The following CNTN4 variants were observed in gnomAD, a reference collection of about 807,000 sequenced individuals.
CNTN4 encodes the protein contactin-4.
CNTN4 carries 77 observed loss-of-function variants against 122.5 expected under a neutral mutation model. The ratio of observed to expected loss-of-function variants is 0.63; its 90% CI spans 0.52 to 0.76. CNTN4 has a LOEUF of 0.76. Among genes scored for constraint, CNTN4 ranks in the 30% least tolerant of loss-of-function variants. The pLI is 0.00. For missense variants in CNTN4, 1,256 were observed against 1,259.1 expected, an observed-to-expected ratio of 1.00 and a Z score of 0.04; for synonymous variants, 512 against 447.0, an observed-to-expected ratio of 1.15 and a Z score of -1.83.
In CNTN4 at chr3:2,888,574, A is replaced by G. The variant is rs1325406583; in HGVS notation, c.940+1350A>G. ...CATTTTTCATACCCGGAACCCATGA[A>G]GGGTTGCACATGCAGATGGTTCTCC... On this transcript the variant is annotated intron_variant, in intron 10 of 24. Transcript: ENST00000418658. 2.0e-5 allele frequency among the ~76,000 whole-genome samples: 3 copies of G among 152,140 alleles called. No individual in the cohort carries two copies. In the East Asian group the frequency reaches 5.8e-4, roughly 29 times the overall value.
intron 7 of CNTN4, among the ~76,000 whole-genome samples, chr3:2,838,012 G>C (rs114372633): frequency 1.3e-5 from 2 of 152,082 alleles, no homozygotes; most frequent in Non-Finnish European, 2.9e-5. Context: ...ATTAAGAATC[G>C]AGTCTGAATT....
chr3:2,778,746 G>C (rs2091448923), intron 6 of CNTN4, among the ~76,000 whole-genome samples: 1 of 152,088 alleles, frequency 6.6e-6, no homozygotes, highest in Non-Finnish European at 1.5e-5. Context: ...GGGGGAGAGA[G>C]GGGAAGAAAA....
intron 2 of CNTN4, among the ~76,000 whole-genome samples, chr3:2,219,439 C>T (rs1383319081): frequency 2.6e-5 from 4 of 152,112 alleles, no homozygotes; most frequent in African/African-American, 4.8e-5. Flanking sequence ...TTCAGTGTTA[C>T]AGAAAGGCAG....
intron 3 of CNTN4, among the ~76,000 whole-genome samples, chr3:2,504,841 G>A (rs1316139021): frequency 6.6e-6 from 1 of 151,996 alleles, no homozygotes; most frequent in Non-Finnish European, 1.5e-5. Context: ...AAAATAATGG[G>A]GATAGGCTCT....
intron 10 of CNTN4, among the ~76,000 whole-genome samples, chr3:2,888,526 C>T (rs945661349): frequency 3.3e-5 from 5 of 152,080 alleles, no homozygotes; most frequent in Admixed American, 1.3e-4. Context: ...GCCAAAACCT[C>T]CACCCTCAGA....
rs531985651 is a variant in CNTN4, at chr3:2,440,727, C to T, written c.-89+101494C>T. On this transcript the variant is annotated intron_variant, in intron 3 of 24. Transcript: ENST00000418658. Reference sequence around the variant, plus strand: ...ATATACACACGTATGTATATACACACATATTTGTGTATGAATGAATATATG... The same window carrying T: ...ATATACACACGTATGTATATACACATATATTTGTGTATGAATGAATATATG... 1.9e-4 allele frequency among the ~76,000 whole-genome samples: 29 copies of T among 150,780 alleles called. No individual in the cohort carries two copies. The East Asian group carries it at 5.6e-3, about 29-fold the overall frequency.
At chr3:2,896,190 T>A (rs1233915714) in intron 10 of CNTN4, among the ~76,000 whole-genome samples, 1 of 152,142 alleles carries the variant, frequency 6.6e-6, no homozygotes, top group African/African-American at 2.4e-5. Context: ...TCAGCCAGTA[T>A]CAGCAAAGTA....
At chr3:2,365,095 T>G (rs2045319942) in intron 3 of CNTN4, among the ~76,000 whole-genome samples, 1 of 151,620 alleles carries the variant, frequency 6.6e-6, no homozygotes, top group African/African-American at 2.4e-5. Flanking sequence ...GTTCTTTGGT[T>G]TAATTTTTTT....
chr3:2,191,528 G>T (rs1407870650), intron 2 of CNTN4, among the ~76,000 whole-genome samples: 1 of 151,868 alleles, frequency 6.6e-6, no homozygotes, highest in South Asian at 2.1e-4. Context: ...ATGTGGTGCC[G>T]CCACTAGGTT....
At chr3:2,981,470 C>T (rs1428806037) in intron 13 of CNTN4, among the ~76,000 whole-genome samples, 3 of 151,800 alleles carry the variant, frequency 2.0e-5, no homozygotes, top group African/African-American at 4.8e-5. Flanking sequence ...AAAACCTTAC[C>T]GAGGACTCCC....
intron 2 of CNTN4, among the ~76,000 whole-genome samples, chr3:2,137,637 G>A (rs1475207747): frequency 6.6e-6 from 1 of 152,154 alleles, no homozygotes; most frequent in Non-Finnish European, 1.5e-5. Context: ...AAAAAAGATT[G>A]CATTTTGGGA....
chr3:2,659,460 CAA>C (rs59025670), intron 4 of CNTN4, among the ~76,000 whole-genome samples: 48 of 53,960 alleles, frequency 8.9e-4, no homozygotes, highest in African/African-American at 2.9e-3. Context: ...GACTCCATCT[CAA>C]AAAAAAAAAA....
intron 2 of CNTN4, among the ~76,000 whole-genome samples, chr3:2,189,516 A>G (rs551439065): frequency 1.1e-4 from 16 of 152,174 alleles, no homozygotes; most frequent in Non-Finnish European, 1.9e-4. Flanking sequence ...AGATAAATGA[A>G]TCAGTTTGAT....
At chr3:2,626,263 G>A (rs1390082557) in intron 4 of CNTN4, among the ~76,000 whole-genome samples, 1 of 152,066 alleles carries the variant, frequency 6.6e-6, no homozygotes, top group African/African-American at 2.4e-5. Context: ...TAAGGCCGAG[G>A]TGGGCGGATC....
chr3:2,610,887 G>A (rs948278028), intron 4 of CNTN4, among the ~76,000 whole-genome samples: 3 of 152,074 alleles, frequency 2.0e-5, no homozygotes, highest in African/African-American at 7.2e-5. Context: ...ATTTTTTCAG[G>A]TATACAATGC....
chr3:2,577,639 A>C (rs767068335), intron 4 of CNTN4, among the ~76,000 whole-genome samples: 1 of 152,212 alleles, frequency 6.6e-6, no homozygotes, highest in Non-Finnish European at 1.5e-5. Context: ...CGATAGGGTT[A>C]GAGCTCAGCC....
At chr3:2,353,586 G>C (rs2044735073) in intron 3 of CNTN4, among the ~76,000 whole-genome samples, 1 of 152,024 alleles carries the variant, frequency 6.6e-6, no homozygotes, top group Non-Finnish European at 1.5e-5. Context: ...CCACCGGGAG[G>C]AATGAGCAAC....
At chr3:2,400,617 T>C (rs1367087107) in intron 3 of CNTN4, among the ~76,000 whole-genome samples, 3 of 150,130 alleles carry the variant, frequency 2.0e-5, no homozygotes, top group African/African-American at 7.3e-5. Flanking sequence ...AATAAAAAGA[T>C]GCAAAATGTA....
At chr3:2,605,511 G>T (rs6766947) in intron 4 of CNTN4, among the ~76,000 whole-genome samples, 3,312 of 152,222 alleles carry the variant, frequency 0.022, 112 homozygotes, top group African/African-American at 0.076. Flanking sequence ...ATTTTCTCTG[G>T]CTTCTCTGTG....
Sources: gnomAD v4.1 joint callset for allele counts (sites outside exome capture counted in the v4.1 genomes callset) on GRCh38, gnomAD v4.1.1 for gene constraint, MANE v1.5 for transcripts, NCBI Gene and HGNC (gene_info 2026-07-23, HGNC 2026-07-21) for gene names.